ZNF658: variants seen among roughly 807,000 people sequenced by gnomAD.
The protein encoded by ZNF658 is zinc finger protein 658.
ZNF658 carries 46 observed loss-of-function variants against 78.0 expected under a neutral mutation model. The ratio of observed to expected loss-of-function variants is 0.59; its 90% CI spans 0.47 to 0.75. ZNF658 has a LOEUF of 0.75. Ranked by LOEUF, ZNF658 falls within the 30% of genes least tolerant of loss-of-function variation. ZNF658 has a pLI of 0.00. For missense variants in ZNF658, 785 were observed against 1,189.3 expected, an observed-to-expected ratio of 0.66 and a Z score of 5.00; for synonymous variants, 279 against 408.4, an observed-to-expected ratio of 0.68 and a Z score of 3.82.
intron 6 of ZNF658, among the ~76,000 whole-genome samples, chr9:66,926,687 TACAG>T (rs1156232963): frequency 1.5e-5 from 2 of 137,262 alleles, no homozygotes; most frequent in Non-Finnish European, 3.1e-5. Flanking sequence ...ATAGCATTTT[TACAG>T]ACAGAGAAAA....
At position 66,920,071 on chromosome 9, in the gene ZNF658, C is replaced by A. The variant is rs1554760814; in HGVS notation, c.2505C>A (p.Phe835Leu). Residue 835 changes from phenylalanine (F) to leucine (L), a missense_variant, in exon 5 of 5, where the codon TTC (phenylalanine) becomes TTA (leucine). Coordinates refer to ENST00000621410, the MANE Select transcript of ZNF658 (RefSeq NM_033160.7). The stretch of plus-strand genomic sequence containing the variant: ...AATGTAACCAATGTGGGAAAACTTT[C>A]TCCCAAAGAACACACCTCTGTGCAC... ...PYECNQCGKT[F>L]SQRTHLCAHQ... 1.3e-5 allele frequency: 21 copies of A among 1,613,052 alleles called. No individual in the cohort carries two copies. The South Asian group carries it at 2.1e-4, about 16-fold the overall frequency.
chr9:66,902,065 G>A (rs1461825090), intron 1 of ZNF658, among the ~76,000 whole-genome samples: 1 of 151,956 alleles, frequency 6.6e-6, no homozygotes, highest in Non-Finnish European at 1.5e-5. Flanking sequence ...TTGTAGCACT[G>A]GCCAAACTTC....
Position 66,918,293 on chromosome 9 carries a change from T to G in ZNF658, c.727T>G (p.Cys243Gly). Reference protein sequence around the residue: ...PQSFLTGEKSCKDDEFRKNFD... With the variant: ...PQSFLTGEKSGKDDEFRKNFD... ...GAGTTTTCTAACAGGAGAAAAGTCC[T>G]GTAAGGATGATGAATTTAGAAAAAA... Residue 243 changes from cysteine (C) to glycine (G), a missense_variant, in exon 5 of 5, where the codon TGT (cysteine) becomes GGT (glycine). Around this residue, in one of 12 missense-constraint regions of ZNF658, gnomAD observed 393 missense variants for 400.2 expected, o/e 0.98. Coordinates refer to ENST00000621410, the MANE Select transcript of ZNF658 (RefSeq NM_033160.7). The G allele has an allele frequency of 6.2e-7, 1 of 1,613,856 alleles. No homozygotes were observed. Among genetic ancestry groups the G allele is most frequent in the Non-Finnish European group, 8.5e-7 (1 of 1,179,822 alleles).
downstream of ZNF658, among the ~76,000 whole-genome samples, chr9:66,922,678 A>G (rs79788352): frequency 1.3e-3 from 124 of 94,766 alleles, no homozygotes; most frequent in East Asian, 0.024. Context: ...CTAGATTGTG[A>G]TAAGTTTAAG....
At chr9:66,915,381 AGTTT>A (rs1299475034) in intron 4 of ZNF658, among the ~76,000 whole-genome samples, 2 of 146,628 alleles carry the variant, frequency 1.4e-5, no homozygotes, top group African/African-American at 5.1e-5. Context: ...AAATAAAGTT[AGTTT>A]GCTTTTATAG....
rs879863454 is a variant in ZNF658 at position 66,902,647 on chromosome 9, G to A, written c.-44-871G>A. On this transcript the variant is annotated intron_variant, in intron 1 of 4. Coordinates refer to ENST00000621410, the MANE Select transcript of ZNF658 (RefSeq NM_033160.7). ...CCACATTGTGAGTCCCTCTCACACC[G>A]TGTTCATCACCACATGTGGCATTTA... 1.6e-3 allele frequency among the ~76,000 whole-genome samples: 238 copies of A among 147,974 alleles called. 2 individuals carry two copies. Among genetic ancestry groups the A allele is most frequent in the South Asian group, 3.0e-3 (14 of 4,624 alleles).
chr9:66,925,809 T>C (rs192359199), downstream of ZNF658, among the ~76,000 whole-genome samples: 7 of 151,616 alleles, frequency 4.6e-5, no homozygotes, highest in African/African-American at 1.7e-4. Context: ...CAGGTCTATG[T>C]CCCTGATTAA....
Position 66,920,309 on chromosome 9 carries a change from T to A in ZNF658, c.2743T>A (p.Cys915Ser), listed in dbSNP as rs1822485409. 2 of 1,613,754 alleles carry A rather than the reference T, an allele frequency of 1.2e-6. No homozygotes were observed. The highest frequency in any genetic ancestry group is 1.7e-5 in the Admixed American group (1 of 59,976). Residue 915 changes from cysteine (C) to serine (S), a missense_variant, in exon 5 of 5, where the codon TGT becomes AGT. By Grantham distance (112) the Cys-to-Ser change is moderately radical. Transcript: ENST00000621410. ...GGAGAAACCCTATGAATGCAGTGAA[T>A]GTGGGAAAACCTTCTCTGAGAAGTC... The part of the protein sequence containing the change: ...SGEKPYECSE[C>S]GKTFSEKSYV...
chr9:66,907,299 G>C (rs573358585), intron 2 of ZNF658, among the ~76,000 whole-genome samples: 16 of 152,094 alleles, frequency 1.1e-4, no homozygotes, highest in African/African-American at 3.6e-4. Context: ...TTCTAGCTAC[G>C]TATCAACATG....
intron 2 of ZNF658, among the ~76,000 whole-genome samples, chr9:66,904,749 T>C (rs1362767088): frequency 6.6e-6 from 1 of 152,180 alleles, no homozygotes; most frequent in Non-Finnish European, 1.5e-5. Context: ...TCCATAGTTT[T>C]GCTGAACCAT....
Position 66,921,015 on chromosome 9 carries a change from C to T in ZNF658, c.*269C>T, listed in dbSNP as rs1463848302. ...ATTTGGAGGTTATTTCTGCAGCAAA[C>T]TTGGGTCCTGTGTGTTCAAAACCAT... is the stretch of plus-strand genomic sequence containing the variant. On this transcript the variant is annotated 3_prime_UTR_variant, in exon 5 of 5. Coordinates refer to ENST00000621410, the MANE Select transcript of ZNF658 (RefSeq NM_033160.7). 1 of 510,932 alleles carries T rather than the reference C, an allele frequency of 2.0e-6. No individual in the cohort carries two copies. The highest frequency in any genetic ancestry group is 1.9e-5 in the African/African-American group (1 of 51,774). The allele number at this position is 510,932 out of a possible 1,614,324, so 31.6% of individuals were successfully genotyped here. A position where few individuals can be genotyped will look rare whatever the true frequency, so the allele number is the denominator to read the frequency against.
At chr9:66,906,699 C>A (rs1822087929) in intron 2 of ZNF658, among the ~76,000 whole-genome samples, 1 of 151,246 alleles carries the variant, frequency 6.6e-6, no homozygotes, top group Non-Finnish European at 1.5e-5. Flanking sequence ...GGATACCAGG[C>A]CGCTGGATTC....
In ZNF658 at chr9:66,918,166, TAAGA is replaced by T. The variant is rs1301672170; in HGVS notation, c.605_608del (p.Lys202IlefsTer35). 6.2e-7 allele frequency: 1 copy of T among 1,606,884 alleles called. No individual in the cohort carries two copies. Among genetic ancestry groups the T allele is most frequent in the Non-Finnish European group, 8.5e-7 (1 of 1,177,662 alleles). On this transcript the variant is annotated frameshift_variant, in exon 5 of 5. Transcript: ENST00000621410. LOFTEE classifies it high-confidence loss of function. ...GTGAAAATGCTAAAGCTTTCAGTTATAAGAAAGATCAGCATTGGAAATTTCAAAC... is the reference window on the plus strand; with the variant it reads ...GTGAAAATGCTAAAGCTTTCAGTTATAAGATCAGCATTGGAAATTTCAAAC...
At position 66,918,886 on chromosome 9, in the gene ZNF658, T is replaced by C; in HGVS notation, c.1320T>C (p.Tyr440=). The C allele has an allele frequency of 6.3e-7, 1 of 1,581,888 alleles. No individual in the cohort carries two copies. Among genetic ancestry groups the C allele is most frequent in the Non-Finnish European group, 8.6e-7 (1 of 1,159,792 alleles). ...HPGTYVGFKL[Y]ECNECGKAFC... The stretch of plus-strand genomic sequence containing the variant: ...GAACTTATGTGGGATTCAAACTTTA[T>C]GAATGTAATGAATGTGGGAAAGCTT... The change falls in exon 5 of 5, where the codon TAT becomes TAC. Residue 440 remains tyrosine (Y), a synonymous_variant. Coordinates refer to ENST00000621410, the MANE Select transcript of ZNF658 (RefSeq NM_033160.7).
At chr9:66,931,541 C>T (rs1406644426) in intron 6 of ZNF658, among the ~76,000 whole-genome samples, 4 of 151,236 alleles carry the variant, frequency 2.6e-5, no homozygotes, top group Admixed American at 6.6e-5. Flanking sequence ...GCTGAATGTG[C>T]GATTTATCAT....
In ZNF658 at chr9:66,918,971, G is replaced by A; in HGVS notation, c.1405G>A (p.Asp469Asn). 1 of 1,359,624 alleles carries A rather than the reference G, an allele frequency of 7.4e-7. No individual in the cohort carries two copies. Among genetic ancestry groups the A allele is most frequent in the Non-Finnish European group, 1.0e-6 (1 of 981,860 alleles). The allele number at this position is 1,359,624 out of a possible 1,614,324, so 84.2% of individuals were successfully genotyped here. A position where few individuals can be genotyped will look rare whatever the true frequency, so the allele number is the denominator to read the frequency against. The stretch of plus-strand genomic sequence containing the variant: ...AATTCACACAAAAGAGAAACCTTGT[G>A]ATAACAATGGCTGTGGGAGATCTTA... The part of the protein sequence containing the change: ...LRIHTKEKPC[D>N]NNGCGRSYKS... Residue 469 changes from aspartate (D) to asparagine (N), a missense_variant, in exon 5 of 5, where the codon GAT (aspartate) becomes AAT (asparagine). Physicochemically the swap from Asp to Asn is conservative, Grantham distance 23 (BLOSUM62 1). Transcript: ENST00000621410.
intron 2 of ZNF658, among the ~76,000 whole-genome samples, chr9:66,906,183 C>T (rs1288157809): frequency 1.4e-5 from 2 of 140,280 alleles, no homozygotes; most frequent in African/African-American, 2.8e-5. Flanking sequence ...AGTGCTGGGG[C>T]ATTCCTTCAA....
downstream of ZNF658, among the ~76,000 whole-genome samples, chr9:66,925,456 GA>G (rs915624590): frequency 6.6e-6 from 1 of 151,806 alleles, no homozygotes; most frequent in Non-Finnish European, 1.5e-5. Flanking sequence ...ACTGCTGTGA[GA>G]AAAAATACAC....
intron 6 of ZNF658, among the ~76,000 whole-genome samples, chr9:66,931,015 C>T (rs2118144367): frequency 6.6e-6 from 1 of 152,042 alleles, no homozygotes; most frequent in African/African-American, 2.4e-5. Flanking sequence ...ATAGGAAGAT[C>T]CTGGGGATAG....
Sources: gnomAD v4.1 joint callset for allele counts (sites outside exome capture counted in the v4.1 genomes callset) on GRCh38, gnomAD v4.1.1 for gene constraint, gnomAD v4.1.1 regional missense constraint, MANE v1.5 for transcripts, NCBI Gene and HGNC (gene_info 2026-07-23, HGNC 2026-07-21) for gene names.